ELSPBP1: variants seen among roughly 807,000 people sequenced by gnomAD.
The protein encoded by ELSPBP1 is epididymal sperm binding protein 1.
In ELSPBP1, 38 loss-of-function variants were observed where a neutral mutation model predicts 33.3. That is an observed-to-expected ratio of 1.14 (90% confidence interval 0.88 to 1.50). The LOEUF (loss-of-function observed/expected upper bound fraction) is 1.50. ELSPBP1 is among the 40% of genes most tolerant of loss of function. The pLI is 0.00. For missense variants in ELSPBP1, 267 were observed against 263.5 expected (o/e 1.01, Z -0.09); for synonymous variants, 85 against 94.1 (o/e 0.90, Z 0.56).
intron 6 of ELSPBP1, among the ~76,000 whole-genome samples, chr19:48,023,516 T>TGGGGGG (rs1967233699): frequency 1.5e-5 from 1 of 65,834 alleles, no homozygotes; most frequent in Non-Finnish European, 3.0e-5. Context: ...AGGAAGGAAA[T>TGGGGGG]AAGGAAGGAA....
intron 6 of ELSPBP1, among the ~76,000 whole-genome samples, chr19:48,022,960 A>G (rs1162502413): frequency 6.6e-6 from 1 of 151,994 alleles, no homozygotes; most frequent in Non-Finnish European, 1.5e-5. Context: ...CTGAGGTCAG[A>G]GGATCCCTTG....
In ELSPBP1 at chr19:48,022,946, G is replaced by A. The variant is rs1382705662; in HGVS notation, c.*7+612G>A. On this transcript the variant is annotated intron_variant, in intron 6 of 6. Transcript: ENST00000339841. ...CACATCTGTAGTCCCAGCTACTCAG[G>A]AGGCTGAGGTCAGAGGATCCCTTGA... 2.6e-5 allele frequency among the ~76,000 whole-genome samples: 4 copies of A among 151,940 alleles called. No homozygotes were observed. In the East Asian group the frequency reaches 7.7e-4, roughly 29 times the overall value.
At chr19:48,000,205 C>T (rs118015558) in intron 1 of ELSPBP1, among the ~76,000 whole-genome samples, 9,017 of 139,942 alleles carry the variant, frequency 0.064, 445 homozygotes, top group East Asian at 0.27. Flanking sequence ...ATTCTTCCCC[C>T]ACCCCGGCCG....
intron 1 of ELSPBP1, among the ~76,000 whole-genome samples, chr19:48,003,043 C>G (rs754277594): frequency 2.9e-4 from 44 of 152,160 alleles, no homozygotes; most frequent in Admixed American, 6.5e-5. Flanking sequence ...TGGCAGGATG[C>G]TGGTCCCAAC....
chr19:48,023,171 A>G lies in ELSPBP1; in HGVS notation c.*7+837A>G, dbSNP rs530806922. ...GGAGGGAGGGAGGGAAGGAAGGAGG[A>G]AGGGAGGGAAGAAAGAACGGAGGGG... On this transcript the variant is annotated intron_variant, in intron 6 of 6. Coordinates refer to ENST00000339841, the MANE Select transcript of ELSPBP1 (RefSeq NM_022142.5). 3.0e-3 allele frequency among the ~76,000 whole-genome samples: 337 copies of G among 111,558 alleles called. 1 individual carries two copies. Among genetic ancestry groups the G allele is most frequent in the African/African-American group, 0.011 (315 of 28,978 alleles). The allele number at this position is 111,558 out of a possible 152,430, so 73.2% of individuals were successfully genotyped here.
At chr19:48,017,789 G>A (rs1967157630) in intron 4 of ELSPBP1, among the ~76,000 whole-genome samples, 1 of 150,926 alleles carries the variant, frequency 6.6e-6, no homozygotes, top group Non-Finnish European at 1.5e-5. Flanking sequence ...CCAGCTACTT[G>A]GGGAGGCTGA....
chr19:48,008,661 A>G lies in ELSPBP1; in HGVS notation c.-7A>G, dbSNP rs915559894. On this transcript the variant is annotated 5_prime_UTR_variant, in exon 2 of 7. Transcript: ENST00000339841. ...TCTTCTTTTCCACAGAGAAGAGGGC[A>G]GCCAAGATGACCCGATGGTCCAGTT... 9 of 1,613,758 alleles carry G rather than the reference A, an allele frequency of 5.6e-6. No homozygotes were observed. Among genetic ancestry groups the G allele is most frequent in the Non-Finnish European group, 6.8e-6 (8 of 1,179,818 alleles).
At chr19:48,006,644 A>AGC (rs1967022593) in intron 1 of ELSPBP1, among the ~76,000 whole-genome samples, 1 of 147,398 alleles carries the variant, frequency 6.8e-6, no homozygotes, top group Non-Finnish European at 1.5e-5. Flanking sequence ...AAAAAAAAAA[A>AGC]AAAGAAAAGA....
chr19:48,015,615 G>A (rs928151287), intron 3 of ELSPBP1, among the ~76,000 whole-genome samples: 2 of 152,082 alleles, frequency 1.3e-5, no homozygotes, highest in African/African-American at 4.8e-5. Flanking sequence ...CCAAGATCTC[G>A]CTATTGCACT....
chr19:48,014,337 T>A, intron 3 of ELSPBP1, 29 bp downstream of exon 3: 1 of 1,607,946 alleles, frequency 6.2e-7, no homozygotes, highest in South Asian at 1.1e-5. Context: ...TCCCTGCCAG[T>A]GGCCTTTGAA....
intron 2 of ELSPBP1, among the ~76,000 whole-genome samples, chr19:48,010,324 C>A (rs2122310010): frequency 6.6e-6 from 1 of 152,196 alleles, no homozygotes. Context: ...TTTTGTCATG[C>A]CTCCCTGAGA....
chr19:47,998,261 A>T (rs1966929989), intron 1 of ELSPBP1, among the ~76,000 whole-genome samples: 1 of 151,854 alleles, frequency 6.6e-6, no homozygotes, highest in Admixed American at 6.6e-5. Flanking sequence ...AAAATACAAA[A>T]ATTAGCCGGG....
chr19:48,008,658 G>A lies in ELSPBP1; in HGVS notation c.-10G>A, dbSNP rs1377189837. On this transcript the variant is annotated 5_prime_UTR_variant, in exon 2 of 7. Coordinates refer to ENST00000339841, the MANE Select transcript of ELSPBP1 (RefSeq NM_022142.5). ...TTGTCTTCTTTTCCACAGAGAAGAG[G>A]GCAGCCAAGATGACCCGATGGTCCA... 6.2e-7 allele frequency: 1 copy of A among 1,613,568 alleles called. No individual in the cohort carries two copies. The highest frequency in any genetic ancestry group is 1.7e-5 in the Admixed American group (1 of 59,968).
intron 1 of ELSPBP1, among the ~76,000 whole-genome samples, 194 bp from the exon 2 acceptor site, chr19:48,008,457 A>G (rs530899540): frequency 1.3e-4 from 20 of 152,146 alleles, no homozygotes; most frequent in African/African-American, 4.6e-4. Flanking sequence ...CTGGTCTTGA[A>G]CTTCTGGCTT....
At chr19:47,998,511 G>A (rs1299782847) in intron 1 of ELSPBP1, among the ~76,000 whole-genome samples, 1 of 152,204 alleles carries the variant, frequency 6.6e-6, no homozygotes, top group Non-Finnish European at 1.5e-5. Context: ...AGAGTCCGGG[G>A]CGCGGTGGCT....
intron 1 of ELSPBP1, among the ~76,000 whole-genome samples, chr19:48,002,773 C>T (rs1966980178): frequency 6.7e-6 from 1 of 148,664 alleles, no homozygotes; most frequent in South Asian, 2.1e-4. Context: ...GCTTGGGGTG[C>T]AGAGCAAGAC....
intron 4 of ELSPBP1, among the ~76,000 whole-genome samples, chr19:48,016,516 CT>C (rs1429627172): frequency 2.4e-5 from 2 of 83,338 alleles, no homozygotes; most frequent in African/African-American, 8.4e-5. Context: ...TTCTTTCTTT[CT>C]TTCTTTCTTT....
chr19:48,022,146 G>C (rs767512692), intron 5 of ELSPBP1, 24 bp from the exon 6 acceptor site: 1 of 1,601,300 alleles, frequency 6.2e-7, no homozygotes, highest in Non-Finnish European at 8.5e-7. Flanking sequence ...AGTAACCTTT[G>C]TTTTATCCCC....
At chr19:47,996,029 T>C (rs958444902) in intron 1 of ELSPBP1, among the ~76,000 whole-genome samples, 9 of 152,248 alleles carry the variant, frequency 5.9e-5, no homozygotes, top group Non-Finnish European at 8.8e-5. Flanking sequence ...GGGTGGTAGA[T>C]ATTGGTGCCA....
Sources: gnomAD v4.1 joint callset for allele counts (sites outside exome capture counted in the v4.1 genomes callset) on GRCh38, gnomAD v4.1.1 for gene constraint, MANE v1.5 for transcripts, NCBI Gene and HGNC (gene_info 2026-07-23, HGNC 2026-07-21) for gene names.